PTPRM: variants seen among roughly 807,000 people sequenced by gnomAD.
PTPRM encodes the protein receptor-type tyrosine-protein phosphatase mu.
Under a neutral mutation model 186.7 loss-of-function variants are expected in PTPRM, and 47 were observed. The ratio of observed to expected loss-of-function variants is 0.25; its 90% confidence interval spans 0.20 to 0.32. The LOEUF is 0.32. Among genes scored for constraint, PTPRM ranks in the 10% least tolerant of loss-of-function variants. The probability of loss-of-function intolerance (pLI) is 1.00; values close to 1 mark genes in which losing one functional copy is unlikely to be tolerated. For synonymous variants in PTPRM, 668 were observed against 674.9 expected (o/e 0.99, Z 0.16); for missense variants, 1,494 against 1,865.0 (o/e 0.80, Z 3.66).
intron 14 of PTPRM, among the ~76,000 whole-genome samples, chr18:8,229,221 T>C (rs2094254288): frequency 6.6e-6 from 1 of 152,248 alleles, no homozygotes; most frequent in South Asian, 2.1e-4. Flanking sequence ...ACAGGAGATG[T>C]TAGAACAGAA....
In PTPRM at chr18:7,907,852, A is replaced by G. The variant is rs369335244; in HGVS notation, c.547+1269A>G. On this transcript the variant is annotated intron_variant, in intron 4 of 32. Coordinates refer to ENST00000580170, the MANE Select transcript of PTPRM (RefSeq NM_001105244.2). ...GTAAGGATTGCCTTTTATAAATGCT[A>G]ATGAATGGTTTCCAGCCATACAAAT... Among the ~76,000 whole-genome samples, 43 of 151,956 alleles carry G rather than the reference A, an allele frequency of 2.8e-4. 1 individual carries two copies. The highest frequency in any genetic ancestry group is 1.4e-3 in the East Asian group (7 of 5,164).
At chr18:8,164,215 A>T (rs570135295) in intron 14 of PTPRM, among the ~76,000 whole-genome samples, 19 of 152,350 alleles carry the variant, frequency 1.2e-4, no homozygotes, top group African/African-American at 4.3e-4. Flanking sequence ...TGATTTGGCA[A>T]ATACAGTCTG....
chr18:7,648,204 C>G (rs973963526), intron 1 of PTPRM, among the ~76,000 whole-genome samples: 2 of 152,018 alleles, frequency 1.3e-5, no homozygotes, highest in African/African-American at 4.8e-5. Flanking sequence ...TGCCATGAAC[C>G]GTGCCCATAT....
intron 22 of PTPRM, among the ~76,000 whole-genome samples, chr18:8,338,503 G>A (rs924625647): frequency 3.3e-5 from 5 of 152,028 alleles, no homozygotes; most frequent in Non-Finnish European, 7.4e-5. Context: ...AGTTGCTTCC[G>A]ATGTTCAAAT....
At chr18:7,689,126 T>G (rs190261845) in intron 1 of PTPRM, among the ~76,000 whole-genome samples, 10 of 147,566 alleles carry the variant, frequency 6.8e-5, no homozygotes, top group Admixed American at 4.2e-4. Context: ...GTAATTCAAG[T>G]ATAAATGCCA....
intron 14 of PTPRM, among the ~76,000 whole-genome samples, chr18:8,217,914 C>T (rs1322348212): frequency 3.3e-5 from 5 of 152,030 alleles, no homozygotes; most frequent in Non-Finnish European, 5.9e-5. Context: ...CATAGTATCG[C>T]GTTGTATTTA....
chr18:8,311,863 C>A (rs578248350), intron 20 of PTPRM, among the ~76,000 whole-genome samples: 9 of 152,002 alleles, frequency 5.9e-5, no homozygotes, highest in Non-Finnish European at 1.0e-4. Context: ...CTAAAGAGAA[C>A]CCTCCAGAAT....
intron 20 of PTPRM, among the ~76,000 whole-genome samples, chr18:8,313,649 A>G (rs2095286138): frequency 6.6e-6 from 1 of 151,200 alleles, no homozygotes; most frequent in Non-Finnish European, 1.5e-5. Flanking sequence ...TACATGAATG[A>G]GTTCTTTAGT....
At chr18:7,578,906 C>T (rs771047594) in intron 1 of PTPRM, among the ~76,000 whole-genome samples, 1 of 152,136 alleles carries the variant, frequency 6.6e-6, no homozygotes, top group African/African-American at 2.4e-5. Flanking sequence ...CCCCCATCCT[C>T]ATGCAGATTA....
At chr18:7,797,953 G>T (rs899435026) in intron 2 of PTPRM, among the ~76,000 whole-genome samples, 4 of 152,160 alleles carry the variant, frequency 2.6e-5, no homozygotes, top group African/African-American at 7.2e-5. Context: ...CTTGACTTCG[G>T]ATGTCCCTGT....
intron 10 of PTPRM, among the ~76,000 whole-genome samples, chr18:8,086,935 G>C (rs2090464526): frequency 6.6e-6 from 1 of 152,082 alleles, no homozygotes; most frequent in Non-Finnish European, 1.5e-5. Flanking sequence ...AAACAGTATG[G>C]AGAGTTGAGA....
At chr18:7,653,788 G>C (rs2038782787) in intron 1 of PTPRM, among the ~76,000 whole-genome samples, 1 of 152,190 alleles carries the variant, frequency 6.6e-6, no homozygotes, top group Non-Finnish European at 1.5e-5. Flanking sequence ...ACACATGCAT[G>C]TGTCTTTATG....
At chr18:8,230,295 A>G (rs2094270474) in intron 14 of PTPRM, among the ~76,000 whole-genome samples, 1 of 152,226 alleles carries the variant, frequency 6.6e-6, no homozygotes, top group Admixed American at 6.5e-5. Flanking sequence ...AGTGTGTGCC[A>G]TAGTTTGTTG....
intron 2 of PTPRM, among the ~76,000 whole-genome samples, chr18:7,776,654 C>A (rs1010791346): frequency 2.0e-5 from 3 of 151,792 alleles, no homozygotes; most frequent in African/African-American, 7.3e-5. Flanking sequence ...AACTTATCTA[C>A]TTGGGGAAAA....
intron 14 of PTPRM, among the ~76,000 whole-genome samples, chr18:8,219,397 G>A (rs1056190927): frequency 2.6e-5 from 4 of 152,010 alleles, no homozygotes; most frequent in African/African-American, 7.3e-5. Context: ...AACCCAGGAG[G>A]CAGAGGTTGC....
At chr18:8,352,972 A>G (rs775060814) in intron 23 of PTPRM, among the ~76,000 whole-genome samples, 7 of 151,860 alleles carry the variant, frequency 4.6e-5, no homozygotes, top group Non-Finnish European at 7.4e-5. Context: ...ACCCGGCCCG[A>G]TTTCGTTTTT....
chr18:8,255,220 T>A (rs947737334), intron 19 of PTPRM, among the ~76,000 whole-genome samples: 6 of 152,264 alleles, frequency 3.9e-5, no homozygotes, highest in African/African-American at 1.4e-4. Context: ...GTCTAGGTTC[T>A]ATCCAATATT....
intron 4 of PTPRM, among the ~76,000 whole-genome samples, chr18:7,908,892 A>G (rs147572484): frequency 6.6e-6 from 1 of 152,226 alleles, no homozygotes; most frequent in Non-Finnish European, 1.5e-5. Flanking sequence ...TAATATGCAC[A>G]AAGTTCATGG....
chr18:7,687,858 A>T (rs1423818406), intron 1 of PTPRM, among the ~76,000 whole-genome samples: 1 of 151,232 alleles, frequency 6.6e-6, no homozygotes, highest in Non-Finnish European at 1.5e-5. Context: ...GCTCACTGCA[A>T]CCTCCGCCTC....
Sources: gnomAD v4.1 joint callset for allele counts (sites outside exome capture counted in the v4.1 genomes callset) on GRCh38, gnomAD v4.1.1 for gene constraint, MANE v1.5 for transcripts, NCBI Gene and HGNC (gene_info 2026-07-23, HGNC 2026-07-21) for gene names.